Variants in VWA3A observed in about 807,000 individuals in gnomAD.
VWA3A encodes von Willebrand factor A domain-containing protein 3A.
VWA3A carries 134 observed loss-of-function variants against 160.4 expected under a neutral mutation model. The ratio of observed to expected loss-of-function variants is 0.84; its 90% CI spans 0.73 to 0.96. VWA3A has a LOEUF of 0.96. Ranked by LOEUF, VWA3A falls within the 40% of genes least tolerant of loss-of-function variation. The pLI is 0.00. For synonymous variants in VWA3A, 476 were observed against 543.4 expected, an observed-to-expected ratio of 0.88 and a Z score of 1.72; for missense variants, 1,310 against 1,447.9, an observed-to-expected ratio of 0.90 and a Z score of 1.55.
intron 9 of VWA3A, among the ~76,000 whole-genome samples, chr16:22,116,193 G>A (rs2045641553): frequency 7.1e-6 from 1 of 139,998 alleles, no homozygotes; most frequent in Admixed American, 7.6e-5. Context: ...AAGAAGGAAA[G>A]AAAAGAGAAA....
intron 17 of VWA3A, among the ~76,000 whole-genome samples, chr16:22,129,101 G>A (rs930824446): frequency 6.6e-6 from 1 of 152,010 alleles, no homozygotes; most frequent in Non-Finnish European, 1.5e-5. Flanking sequence ...AGAAAGAGGT[G>A]CATGGAGGCT....
At chr16:22,134,506 G>A (rs556723008) in intron 21 of VWA3A, 68 bp downstream of exon 21, 7 of 1,356,546 alleles carry the variant, frequency 5.2e-6, no homozygotes, top group South Asian at 1.4e-5. Flanking sequence ...TACCATAACT[G>A]CCACAAACTG....
At chr16:22,115,322 G>C (rs753899015) in intron 8 of VWA3A, 25 bp from the exon 9 acceptor site, 1 of 1,564,288 alleles carries the variant, frequency 6.4e-7, no homozygotes, top group Non-Finnish European at 8.6e-7. Flanking sequence ...CTTATAATTA[G>C]GTTGCTGTTG....
intron 16 of VWA3A, among the ~76,000 whole-genome samples, chr16:22,125,814 CT>C (rs2045838116): frequency 6.6e-6 from 1 of 152,166 alleles, no homozygotes; most frequent in Admixed American, 6.6e-5. Flanking sequence ...GGATTTGTGA[CT>C]TGCCTAAGGC....
Position 22,142,773 on chromosome 16 carries a change from G to A in VWA3A, c.2592+8G>A. On this transcript the variant is annotated splice_region_variant and intron_variant, in intron 25 of 33. Transcript: ENST00000389398. ...GTTTGCTCAAGCCAAGAGGTATTAA[G>A]TCACCCATACTAGCACATGCCCATT... The A allele has an allele frequency of 6.4e-7, 1 of 1,554,920 alleles. No homozygotes were observed.
intron 31 of VWA3A, among the ~76,000 whole-genome samples, chr16:22,155,294 C>T (rs995578416): frequency 6.6e-6 from 1 of 152,072 alleles, no homozygotes; most frequent in African/African-American, 2.4e-5. Context: ...AGTGGGGCCA[C>T]TTTCACTCAG....
chr16:22,106,611 A>C (rs937462552), intron 6 of VWA3A, among the ~76,000 whole-genome samples: 18 of 152,174 alleles, frequency 1.2e-4, no homozygotes, highest in Middle Eastern at 6.8e-3. Context: ...AGAGTGAGCT[A>C]TGTGGAGAAA....
At chr16:22,123,872 A>G (rs1369220592) in intron 16 of VWA3A, among the ~76,000 whole-genome samples, 165 bp downstream of exon 16, 1 of 152,148 alleles carries the variant, frequency 6.6e-6, no homozygotes, top group African/African-American at 2.4e-5. Flanking sequence ...CACCAACACC[A>G]TCACTGATGT....
intron 22 of VWA3A, among the ~76,000 whole-genome samples, chr16:22,139,470 C>T (rs528897796): frequency 7.2e-5 from 11 of 152,006 alleles, no homozygotes; most frequent in East Asian, 3.9e-4. Flanking sequence ...CCAAGGCAGG[C>T]GGATCATGAG....
chr16:22,150,951 G>A (rs1429385634), intron 30 of VWA3A, 105 bp downstream of exon 30: 6 of 1,357,846 alleles, frequency 4.4e-6, no homozygotes, highest in Admixed American at 2.7e-5. Context: ...ACTTAGACAC[G>A]GGTTTCTCCT....
intron 12 of VWA3A, among the ~76,000 whole-genome samples, chr16:22,119,370 G>A (rs576163223): frequency 9.8e-5 from 15 of 152,336 alleles, no homozygotes; most frequent in Non-Finnish European, 1.8e-4. Flanking sequence ...AGAATAGGCT[G>A]CCTTTAAGAG....
At chr16:22,108,793 T>C (rs1038043933) in intron 6 of VWA3A, among the ~76,000 whole-genome samples, 5 of 152,178 alleles carry the variant, frequency 3.3e-5, no homozygotes, top group Admixed American at 6.5e-5. Context: ...CATTGACAAG[T>C]AATACAGACA....
intron 8 of VWA3A, among the ~76,000 whole-genome samples, chr16:22,114,679 C>T (rs1296851798): frequency 4.6e-5 from 7 of 152,314 alleles, no homozygotes; most frequent in South Asian, 2.1e-4. Context: ...CCTAATACTA[C>T]AGGCCAGCTG....
chr16:22,129,402 A>G lies in VWA3A; in HGVS notation c.1653-1803A>G, dbSNP rs55987374. Among the ~76,000 whole-genome samples the G allele has an allele frequency of 1.1e-3, 126 of 118,950 alleles. 2 individuals are homozygous for G. Among genetic ancestry groups the G allele is most frequent in the Middle Eastern group, 4.7e-3 (1 of 214 alleles). The allele number at this position is 118,950 out of a possible 152,430, so 78.0% of individuals were successfully genotyped here. On this transcript the variant is annotated intron_variant, in intron 17 of 33. Transcript: ENST00000389398. The stretch of plus-strand genomic sequence containing the variant: ...AGACTCCATCTCAAAAAAAAAAAAA[A>G]AAAGAAAGAAAGAAAGAAAGAAAGA...
intron 27 of VWA3A, among the ~76,000 whole-genome samples, chr16:22,146,770 A>G (rs78889999): frequency 6.8e-6 from 1 of 148,110 alleles, no homozygotes; most frequent in East Asian, 2.0e-4. Flanking sequence ...ACTCTATCCA[A>G]AAAAAAAAAA....
In VWA3A at chr16:22,131,576, CCTCCGCAGGTGGG is replaced by C; in HGVS notation, c.1728-7_1733del. On this transcript the variant is annotated splice_acceptor_variant and splice_polypyrimidine_tract_variant and coding_sequence_variant and intron_variant, in exon 19 of 34. Transcript: ENST00000389398. LOFTEE classifies it high-confidence loss of function. ...ATGACCCTCAGCATGGCCATCTCTG[CCTCCGCAGGTGGG>C]CCCTGAACCTGCGGTGTCGGGGCAG... 1 of 1,609,900 alleles carries C rather than the reference CCTCCGCAGGTGGG, an allele frequency of 6.2e-7. No individual in the cohort carries two copies. The highest frequency in any genetic ancestry group is 8.5e-7 in the Non-Finnish European group (1 of 1,177,924).
rs780132742 is a variant in VWA3A, at chr16:22,131,717, C to T, written c.1860C>T (p.Pro620=). Reference sequence around the variant, plus strand: ...TCTACCTCTTCACTGGGGGCATCCCCGACCAGGACATGGTGGGTAGGCCAC... The same window carrying T: ...TCTACCTCTTCACTGGGGGCATCCCTGACCAGGACATGGTGGGTAGGCCAC... ...QGIYLFTGGI[P]DQDMPTLSAY... is the part of the protein sequence containing the mutation. The change falls in exon 19 of 34, where the codon CCC becomes CCT. Residue 620 remains proline, a synonymous_variant. Coordinates refer to ENST00000389398, the MANE Select transcript of VWA3A (RefSeq NM_173615.5). 34 of 1,613,500 alleles carry T rather than the reference C, an allele frequency of 2.1e-5. No individual in the cohort carries two copies. The South Asian group carries it at 2.4e-4, about 11-fold the overall frequency.
At chr16:22,149,198 G>A (rs113690089) in intron 28 of VWA3A, among the ~76,000 whole-genome samples, 3,267 of 152,194 alleles carry the variant, frequency 0.021, 52 homozygotes, top group Non-Finnish European at 0.031. Flanking sequence ...GCTGAAGATC[G>A]GGTAACCAGT....
At chr16:22,113,363 CTTTTTTTTTTTTTTTTT>C (rs569069206) in intron 8 of VWA3A, among the ~76,000 whole-genome samples, 6,994 of 46,616 alleles carry the variant, frequency 0.15, 718 homozygotes, top group African/African-American at 0.36. Context: ...GGCTAATTTT[CTTTTTTTTTTTTTTTTT>C]TTTTTTTTTT....
Sources: gnomAD v4.1 joint callset for allele counts (sites outside exome capture counted in the v4.1 genomes callset) on GRCh38, gnomAD v4.1.1 for gene constraint, MANE v1.5 for transcripts, NCBI Gene and HGNC (gene_info 2026-07-23, HGNC 2026-07-21) for gene names.